Variants in PHF14 observed in about 807,000 individuals in gnomAD.
PHF14 encodes the protein PHD finger protein 14.
In PHF14, 55 loss-of-function variants were observed where a neutral mutation model predicts 117.9. The ratio of observed to expected loss-of-function variants is 0.47; its 90% CI spans 0.38 to 0.58. PHF14 has a LOEUF of 0.58. PHF14 is among the 20% of genes least tolerant of loss of function. The pLI is 0.00. For missense variants in PHF14, 978 were observed against 1,122.2 expected, an observed-to-expected ratio of 0.87 and a Z score of 1.84; for synonymous variants, 409 against 368.6, an observed-to-expected ratio of 1.11 and a Z score of -1.26.
intron 17 of PHF14, among the ~76,000 whole-genome samples, chr7:11,153,682 G>C (rs2128354718): frequency 6.6e-6 from 1 of 152,170 alleles, no homozygotes; most frequent in East Asian, 1.9e-4. Context: ...AAATTTAAGA[G>C]GCCAATATTG....
chr7:11,083,464 ATTTT>A lies in PHF14; in HGVS notation c.2654+21397_2654+21400del, dbSNP rs776573456. 3.6e-5 allele frequency among the ~76,000 whole-genome samples: 4 copies of A among 112,306 alleles called. No individual in the cohort carries two copies. The East Asian group carries it at 7.7e-4, about 22-fold the overall frequency. 73.7% of individuals were successfully genotyped at this position (112,306 alleles called of 152,430 possible). A position where few individuals can be genotyped will look rare whatever the true frequency, so the allele number is the denominator to read the frequency against. On this transcript the variant is annotated intron_variant, in intron 16 of 17. Coordinates refer to ENST00000634607, the MANE Select transcript of PHF14 (RefSeq NM_001007157.2). ...CACATAGAAATATTCTGCTTTCCCTATTTTTTTTTTTTTTTTTTTTTGATACAGA... is the reference window on the plus strand; with the variant it reads ...CACATAGAAATATTCTGCTTTCCCTATTTTTTTTTTTTTTTTTGATACAGA...
rs759043077 is a variant in PHF14, at chr7:11,051,779, C to T, written c.2480C>T (p.Thr827Met). 16 of 1,611,624 alleles carry T rather than the reference C, an allele frequency of 9.9e-6. No homozygotes were observed. Among genetic ancestry groups the T allele is most frequent in the East Asian group, 2.2e-5 (1 of 44,822 alleles). The stretch of plus-strand genomic sequence containing the variant: ...CCCAAGAAGATTCCGATAAGAAACA[C>T]GGTAGTTTATTTTTTATTTATCATA... ...PEPKKIPIRN[T>M]RTRGRKRSFV... The change falls in exon 14 of 18, where the codon ACG becomes ATG. Residue 827 changes from threonine (T) to methionine (M), a missense_variant and splice_region_variant. By Grantham distance (81) the Thr-to-Met change is moderately conservative (BLOSUM62 -1). Transcript: ENST00000634607.
chr7:11,108,387 A>G (rs1401197504), intron 16 of PHF14: 2 of 151,564 alleles, frequency 1.3e-5, no homozygotes, highest in Admixed American at 6.6e-5. Context: ...GCAGTTCCTA[A>G]GGGTACTACT....
At chr7:10,980,400 A>G (rs894854576) in intron 2 of PHF14, among the ~76,000 whole-genome samples, 1 of 152,006 alleles carries the variant, frequency 6.6e-6, no homozygotes, top group African/African-American at 2.4e-5. Flanking sequence ...TGTTGAGTCA[A>G]CTCTGGTTAT....
chr7:11,132,947 C>A (rs1047257729), intron 17 of PHF14, among the ~76,000 whole-genome samples: 2 of 151,670 alleles, frequency 1.3e-5, no homozygotes, highest in South Asian at 4.2e-4. Context: ...AAACATAATA[C>A]CATTTGATTT....
chr7:11,124,017 A>G (rs776506434), intron 17 of PHF14, among the ~76,000 whole-genome samples: 1 of 151,884 alleles, frequency 6.6e-6, no homozygotes, highest in Non-Finnish European at 1.5e-5. Context: ...TAAAAAATAC[A>G]TGCCTCTCAC....
intron 4 of PHF14, among the ~76,000 whole-genome samples, chr7:11,011,005 A>G (rs1375923330): frequency 6.6e-6 from 1 of 152,214 alleles, no homozygotes; most frequent in African/African-American, 2.4e-5. Context: ...TGAATAGCAT[A>G]AGGATAACAA....
rs771631129 is a variant in PHF14, at chr7:10,982,507, A to C, written c.248A>C (p.Asn83Thr). 1 of 1,557,572 alleles carries C rather than the reference A, an allele frequency of 6.4e-7. No homozygotes were observed. The highest frequency in any genetic ancestry group is 8.8e-7 in the Non-Finnish European group (1 of 1,140,948). The change falls in exon 3 of 18, where the codon AAT (asparagine) becomes ACT (threonine). Residue 83 changes from asparagine (N) to threonine (T), a missense_variant. Transcript: ENST00000634607. The part of the protein sequence containing the change: ...DIKVKEEQLK[N>T]SAEEEVLSSE... ...AAAGTAAAAGAAGAACAACTTAAAA[A>C]TTCTGCAGAGGAAGAAGTACTATCA...
At chr7:11,162,782 T>C (rs993239437) in intron 17 of PHF14, among the ~76,000 whole-genome samples, 6 of 150,020 alleles carry the variant, frequency 4.0e-5, no homozygotes, top group African/African-American at 1.5e-4. Context: ...GCTTCCTGGG[T>C]TCAAGTGATT....
intron 17 of PHF14, among the ~76,000 whole-genome samples, chr7:11,111,696 G>A (rs749765416): frequency 4.6e-5 from 7 of 151,728 alleles, no homozygotes; most frequent in Non-Finnish European, 7.4e-5. Context: ...GTTGTTTTAC[G>A]TATTCTCTAT....
intron 3 of PHF14, among the ~76,000 whole-genome samples, chr7:10,987,254 A>G (rs1782257144): frequency 6.6e-6 from 1 of 152,274 alleles, no homozygotes; most frequent in Non-Finnish European, 1.5e-5. Context: ...ATGTAGAGGA[A>G]GTATGATTGG....
At chr7:11,105,504 A>G in intron 16 of PHF14, 1 of 980,198 alleles carries the variant, frequency 1.0e-6, no homozygotes, top group African/African-American at 1.7e-5. Flanking sequence ...TCTCCAGCAG[A>G]GCAGAATATT....
chr7:11,008,273 G>A (rs372026673), intron 4 of PHF14, among the ~76,000 whole-genome samples: 3 of 152,214 alleles, frequency 2.0e-5, no homozygotes, highest in East Asian at 3.8e-4. Context: ...ATCCTTAGGA[G>A]TGTTCACTGG....
intron 17 of PHF14, among the ~76,000 whole-genome samples, chr7:11,146,338 GT>G (rs1788548249): frequency 6.6e-6 from 1 of 152,100 alleles, no homozygotes; most frequent in African/African-American, 2.4e-5. Context: ...ATTGACAAAT[GT>G]TTTAACAGCT....
chr7:11,150,177 TAAG>T (rs1409005004), intron 17 of PHF14, among the ~76,000 whole-genome samples: 1 of 151,986 alleles, frequency 6.6e-6, no homozygotes, highest in Non-Finnish European at 1.5e-5. Context: ...TCACATCTGG[TAAG>T]AAGGAAGGGA....
chr7:11,165,953 C>A (rs1264904467), intron 17 of PHF14, among the ~76,000 whole-genome samples: 1 of 152,094 alleles, frequency 6.6e-6, no homozygotes, highest in Non-Finnish European at 1.5e-5. Flanking sequence ...TCCATCTGTG[C>A]CTAGAAATTA....
In PHF14 at chr7:11,139,588, T is replaced by C. The variant is rs114560031; in HGVS notation, c.2772+28121T>C. 8.1e-3 allele frequency among the ~76,000 whole-genome samples: 1,227 copies of C among 152,294 alleles called. 11 individuals carry two copies. The highest frequency in any genetic ancestry group is 0.028 in the African/African-American group (1,170 of 41,564). On this transcript the variant is annotated intron_variant, in intron 17 of 17. Transcript: ENST00000634607. ...GCTTTGAAATCAAATTTAAAGGATT[T>C]TACCAAGTTGTACTATATTTAAATG...
At chr7:11,063,345 AAATTTTGC>A (rs761095906) in intron 16 of PHF14, 68 of 984,252 alleles carry the variant, frequency 6.9e-5, no homozygotes, top group Admixed American at 1.8e-4. Context: ...ACCACAGTAT[AAATTTTGC>A]AATATGTCGA....
At chr7:11,089,680 A>G (rs1163487367) in intron 16 of PHF14, among the ~76,000 whole-genome samples, 1 of 152,092 alleles carries the variant, frequency 6.6e-6, no homozygotes, top group Non-Finnish European at 1.5e-5. Context: ...GAAAGTTAGA[A>G]TGGTTGATTA....
Sources: allele counts gnomAD v4.1 joint callset (sites outside exome capture counted in the v4.1 genomes callset), GRCh38; gene constraint gnomAD v4.1.1; transcripts MANE v1.5; gene names NCBI Gene and HGNC (gene_info 2026-07-23, HGNC 2026-07-21).